MMP7: variants seen among roughly 807,000 people sequenced by gnomAD.
MMP7 encodes the protein matrilysin.
Under a neutral mutation model 31.5 loss-of-function variants are expected in MMP7, and 26 were observed. That is an observed-to-expected ratio of 0.83 (90% confidence interval 0.61 to 1.15). MMP7 has a LOEUF of 1.15. MMP7 is among the 50% of genes most tolerant of loss of function. MMP7 has a pLI of 0.00. For missense variants in MMP7, 367 were observed against 326.5 expected (o/e 1.12, Z -0.96); for synonymous variants, 142 against 124.2 (o/e 1.14, Z -0.95).
rs200246209 is a variant in MMP7, at chr11:102,527,789, G to A, written c.303C>T (p.Ser101=). 2.5e-6 allele frequency: 4 copies of A among 1,614,154 alleles called. No individual in the cohort carries two copies. Among genetic ancestry groups the A allele is most frequent in the African/African-American group, 2.7e-5 (2 of 75,044 alleles). The change falls in exon 2 of 6, where the codon AGC becomes AGT. Residue 101 remains serine (S), a synonymous_variant. Transcript: ENST00000260227. The part of the protein sequence containing the change: ...DVAEYSLFPN[S]PKWTSKVVTY... ...TGACCACTTTGGAAGTCCATTTTGG[G>A]CTATTTGGAAATAGTGAGTATTCTG...
chr11:102,520,546 A>G lies in MMP7; in HGVS notation c.*230T>C. 1 of 421,940 alleles carries G rather than the reference A, an allele frequency of 2.4e-6. No homozygotes were observed. Among genetic ancestry groups the G allele is most frequent in the East Asian group, 3.5e-5 (1 of 28,604 alleles). 26.1% of individuals were successfully genotyped at this position (421,940 alleles called of 1,614,324 possible). On this transcript the variant is annotated 3_prime_UTR_variant, in exon 6 of 6. Coordinates refer to ENST00000260227, the MANE Select transcript of MMP7 (RefSeq NM_002423.5). ...GAATAAACATTTTATTTATTTGTGT[A>G]TGTAACATTTATTGACATCTACCCA...
Position 102,527,740 on chromosome 11 carries a change from G to A in MMP7, c.335+17C>T. On this transcript the variant is annotated intron_variant, in intron 2 of 5. Transcript: ENST00000260227. The stretch of plus-strand genomic sequence containing the variant: ...GGCTTTATTGTTTTTGCCAAAATGA[G>A]CCAGAGCAAAACTAACCTGTAGGTG... 1 of 1,613,764 alleles carries A rather than the reference G, an allele frequency of 6.2e-7. No individual in the cohort carries two copies.
chr11:102,524,910 A>C lies in MMP7; in HGVS notation c.613+26T>G, dbSNP rs201952276. 1.9e-6 allele frequency: 3 copies of C among 1,602,318 alleles called. No individual in the cohort carries two copies. In the Admixed American group the frequency reaches 5.2e-5, roughly 28 times the overall value. ...GTCCAGGATTTTAAAACGGATGTGG[A>C]GTAGAAGAGACATGAGATGCTATAC... On this transcript the variant is annotated intron_variant, in intron 4 of 5. Coordinates refer to ENST00000260227, the MANE Select transcript of MMP7 (RefSeq NM_002423.5).
At position 102,530,667 on chromosome 11, in the gene MMP7, G is replaced by GCCCTGC. The variant is rs1368015854; in HGVS notation, c.33_34insGCAGGG (p.Leu11_Leu12insAlaGly). On this transcript the variant is annotated inframe_insertion, in exon 1 of 6. Coordinates refer to ENST00000260227, the MANE Select transcript of MMP7 (RefSeq NM_002423.5). ...AGCGGCAGGGCCAGGCTGCCAGGCA[G>GCCCTGC]CAGGCACACAGCACACAGCACGGTG... 6.2e-7 allele frequency: 1 copy of GCCCTGC among 1,613,868 alleles called. No homozygotes were observed. Among genetic ancestry groups the GCCCTGC allele is most frequent in the African/African-American group, 1.3e-5 (1 of 74,936 alleles).
intron 1 of MMP7, among the ~76,000 whole-genome samples, chr11:102,530,094 G>A (rs1036592568): frequency 6.6e-6 from 1 of 152,058 alleles, no homozygotes; most frequent in African/African-American, 2.4e-5. Flanking sequence ...TTCTACCCAT[G>A]TTTTCTGACT....
intron 1 of MMP7, 53 bp from the exon 2 acceptor site, chr11:102,528,036 T>C (rs1858694033): frequency 2.3e-6 from 3 of 1,317,594 alleles, no homozygotes; most frequent in East Asian, 4.9e-5. Context: ...TATTCTTTTA[T>C]CTTAGAAGCC....
chr11:102,529,179 A>G (rs1456650529), intron 1 of MMP7, among the ~76,000 whole-genome samples: 2 of 152,204 alleles, frequency 1.3e-5, no homozygotes, highest in South Asian at 4.1e-4. Context: ...CCGCCCAGGA[A>G]TATGCAATTT....
At position 102,525,048 on chromosome 11, in the gene MMP7, G is replaced by A; in HGVS notation, c.501C>T (p.Tyr167=). The change falls in exon 4 of 6, where the codon TAC becomes TAT. Residue 167 remains tyrosine (Y), a synonymous_variant. Coordinates refer to ENST00000260227, the MANE Select transcript of MMP7 (RefSeq NM_002423.5). The part of the protein sequence containing the change: ...GFARGAHGDS[Y]PFDGPGNTLA... ...GCGTGTTTCCTGGCCCATCAAATGGGTAGGAGTCCCCATGAGCTGAAAGAA... is the reference window on the plus strand; with the variant it reads ...GCGTGTTTCCTGGCCCATCAAATGGATAGGAGTCCCCATGAGCTGAAAGAA... 1 of 1,608,576 alleles carries A rather than the reference G, an allele frequency of 6.2e-7. No individual in the cohort carries two copies. Among genetic ancestry groups the A allele is most frequent in the Non-Finnish European group, 8.5e-7 (1 of 1,178,314 alleles).
chr11:102,525,158 A>C (rs1211925628), intron 3 of MMP7, 94 bp from the exon 4 acceptor site: 1 of 1,466,978 alleles, frequency 6.8e-7, no homozygotes, highest in African/African-American at 1.4e-5. Flanking sequence ...AGGCTAGAAA[A>C]AGCAGCCCAG....
intron 1 of MMP7, 42 bp from the exon 2 acceptor site, chr11:102,528,025 A>G (rs1858693954): frequency 7.1e-7 from 1 of 1,411,110 alleles, no homozygotes; most frequent in African/African-American, 1.4e-5. Context: ...CTTGTTTATT[A>G]TATTCTTTTA....
At chr11:102,529,795 C>T (rs1858711705) in intron 1 of MMP7, among the ~76,000 whole-genome samples, 1 of 152,174 alleles carries the variant, frequency 6.6e-6, no homozygotes, top group Admixed American at 6.5e-5. Flanking sequence ...ACCAGAAGCA[C>T]TTGTCCTTGA....
At chr11:102,521,820 A>G (rs939573249) in intron 5 of MMP7, among the ~76,000 whole-genome samples, 9 of 152,220 alleles carry the variant, frequency 5.9e-5, no homozygotes, top group African/African-American at 2.2e-4. Context: ...AGAATATTCC[A>G]TGAGTTCCAC....
rs373523157 is a variant in MMP7 at position 102,520,824 on chromosome 11, G to C, written c.776-20C>G. The stretch of plus-strand genomic sequence containing the variant: ...TCTTTCCTATTGAGAGAAAAAAAAA[G>C]AACATTCTGATATGTAGAAAATGCA... On this transcript the variant is annotated intron_variant, in intron 5 of 5. Transcript: ENST00000260227. The C allele has an allele frequency of 5.6e-5, 83 of 1,494,572 alleles. No homozygotes were observed. The highest frequency in any genetic ancestry group is 1.7e-4 in the Middle Eastern group (1 of 5,830). The allele number at this position is 1,494,572 out of a possible 1,614,324, so 92.6% of individuals were successfully genotyped here.
At chr11:102,521,578 A>G (rs150858212) in intron 5 of MMP7, among the ~76,000 whole-genome samples, 7 of 152,282 alleles carry the variant, frequency 4.6e-5, no homozygotes, top group African/African-American at 1.4e-4. Context: ...TTCTGCTCAT[A>G]TTACTTTTTA....
rs769276839 is a variant in MMP7 at position 102,527,564 on chromosome 11, T to C, written c.444A>G (p.Val148=). 3 of 1,614,068 alleles carry C rather than the reference T, an allele frequency of 1.9e-6. No homozygotes were observed. Among genetic ancestry groups the C allele is most frequent in the Non-Finnish European group, 2.5e-6 (3 of 1,180,024 alleles). Residue 148 remains valine, a synonymous_variant, in exon 3 of 6, where the codon GTA becomes GTG. Coordinates refer to ENST00000260227, the MANE Select transcript of MMP7 (RefSeq NM_002423.5). ...CAATCATGATGTCAGCAGTTCCCCA[T>C]ACAACTTTCCTGAAATGCAGGGGGA... ...KEIPLHFRKV[V]WGTADIMIGF...
At position 102,527,862 on chromosome 11, in the gene MMP7, C is replaced by G. The variant is rs10502001; in HGVS notation, c.230G>C (p.Arg77Pro). ...GGGCTTCTGCATTATTTCTATGACG[C>G]GGGAGTTTAACATTCCAGTTATAGG... is the stretch of plus-strand genomic sequence containing the variant. ...GLPITGMLNS[R>P]VIEIMQKPRC... The change falls in exon 2 of 6, where the codon CGC becomes CCC. Residue 77 changes from arginine to proline, a missense_variant. Physicochemically the swap from Arg to Pro is moderately radical, Grantham distance 103 (BLOSUM62 -2). Coordinates refer to ENST00000260227, the MANE Select transcript of MMP7 (RefSeq NM_002423.5). The G allele has an allele frequency of 1.9e-6, 3 of 1,613,828 alleles. No individual in the cohort carries two copies. The highest frequency in any genetic ancestry group is 2.5e-6 in the Non-Finnish European group (3 of 1,179,958).
chr11:102,523,255 T>A lies in MMP7; in HGVS notation c.760A>T (p.Ile254Phe). The change falls in exon 5 of 6, where the codon ATT becomes TTT. Residue 254 changes from isoleucine to phenylalanine, a missense_variant. Transcript: ENST00000260227. ...FKLSQDDIKG[I>F]QKLYGKRSNS... ...TAAATATTACCATATAGTTTCTGAA[T>A]GCCTTTAATATCATCCTGGGAAAGT... 1 of 1,604,016 alleles carries A rather than the reference T, an allele frequency of 6.2e-7. No individual in the cohort carries two copies. Among genetic ancestry groups the A allele is most frequent in the Non-Finnish European group, 8.5e-7 (1 of 1,174,140 alleles).
chr11:102,525,396 C>G (rs1037675871), intron 3 of MMP7, among the ~76,000 whole-genome samples: 3 of 151,198 alleles, frequency 2.0e-5, no homozygotes, highest in African/African-American at 7.3e-5. Flanking sequence ...GAGCTGAGAT[C>G]GCGCCACTGC....
intron 3 of MMP7, among the ~76,000 whole-genome samples, chr11:102,526,091 C>G (rs1158321637): frequency 6.6e-6 from 1 of 150,854 alleles, no homozygotes; most frequent in Non-Finnish European, 1.5e-5. Context: ...TAAATTTGCA[C>G]CATGAAACAC....
Sources: gnomAD v4.1 joint callset for allele counts (sites outside exome capture counted in the v4.1 genomes callset) on GRCh38, gnomAD v4.1.1 for gene constraint, MANE v1.5 for transcripts, NCBI Gene and HGNC (gene_info 2026-07-23, HGNC 2026-07-21) for gene names.